Variants in STT3B observed in about 807,000 individuals in gnomAD.
STT3B encodes STT3 oligosaccharyltransferase complex catalytic subunit B.
Under a neutral mutation model 96.8 loss-of-function variants are expected in STT3B, and 29 were observed. The ratio of observed to expected loss-of-function variants is 0.30; its 90% CI spans 0.22 to 0.41. The LOEUF (loss-of-function observed/expected upper bound fraction) is 0.41. Among genes scored for constraint, STT3B ranks in the 10% least tolerant of loss-of-function variants. The pLI is 1.00. For missense variants in STT3B, 640 were observed against 1,022.3 expected, an observed-to-expected ratio of 0.63 and a Z score of 5.10; for synonymous variants, 367 against 360.0, an observed-to-expected ratio of 1.02 and a Z score of -0.22.
chr3:31,581,756 G>A (rs1698408633), intron 3 of STT3B, among the ~76,000 whole-genome samples: 1 of 152,170 alleles, frequency 6.6e-6, no homozygotes, highest in Admixed American at 6.5e-5. Context: ...GGAAAAGATT[G>A]AGGAGGATTA....
In STT3B at chr3:31,577,596, A is replaced by G. The variant is rs374215053; in HGVS notation, c.423+1092A>G. Among the ~76,000 whole-genome samples the G allele has an allele frequency of 1.3e-4, 20 of 152,250 alleles. No individual in the cohort carries two copies. In the East Asian group the frequency reaches 2.5e-3, roughly 19 times the overall value. On this transcript the variant is annotated intron_variant, in intron 2 of 15. Transcript: ENST00000295770. ...AGACTTGACTTGTGGCTTAGGATAT[A>G]TCCAAATTTTTATAAATGTTCCCTT...
intron 5 of STT3B, among the ~76,000 whole-genome samples, chr3:31,614,357 C>A (rs947302920): frequency 1.3e-5 from 2 of 151,884 alleles, no homozygotes; most frequent in Non-Finnish European, 2.9e-5. Flanking sequence ...TAATCAATTG[C>A]GTAACAGTGG....
intron 3 of STT3B, among the ~76,000 whole-genome samples, chr3:31,588,646 A>G (rs970352375): frequency 2.0e-5 from 3 of 152,020 alleles, no homozygotes; most frequent in African/African-American, 4.8e-5. Flanking sequence ...AAAGTGTTGC[A>G]CTTTACATTC....
At chr3:31,613,924 T>G (rs1699243932) in intron 5 of STT3B, among the ~76,000 whole-genome samples, 1 of 151,928 alleles carries the variant, frequency 6.6e-6, no homozygotes, top group South Asian at 2.1e-4. Flanking sequence ...TAGCTTGAGG[T>G]CAGTGGAAAC....
At chr3:31,610,326 TGA>T (rs986149656) in intron 5 of STT3B, among the ~76,000 whole-genome samples, 7 of 152,216 alleles carry the variant, frequency 4.6e-5, no homozygotes, top group Non-Finnish European at 1.0e-4. Context: ...CTATTTTGGT[TGA>T]GAGAGAGCAA....
intron 10 of STT3B, 137 bp downstream of exon 10, chr3:31,622,445 C>T: frequency 1.4e-6 from 1 of 712,044 alleles, no homozygotes; most frequent in South Asian, 1.9e-5. Context: ...TTGGTCTCCA[C>T]TGTTTGCCTC....
chr3:31,623,196 C>T (rs1699466007), intron 10 of STT3B, among the ~76,000 whole-genome samples: 1 of 152,062 alleles, frequency 6.6e-6, no homozygotes, highest in Non-Finnish European at 1.5e-5. Context: ...GTAGTTTTAA[C>T]AAGTCTGTTG....
intron 1 of STT3B, among the ~76,000 whole-genome samples, chr3:31,556,546 C>G (rs1251927553): frequency 6.6e-6 from 1 of 152,148 alleles, no homozygotes; most frequent in Non-Finnish European, 1.5e-5. Context: ...TTTCTCTGCA[C>G]CCTTGTCAGC....
chr3:31,618,861 G>A (rs1699368243), intron 8 of STT3B, among the ~76,000 whole-genome samples: 1 of 151,786 alleles, frequency 6.6e-6, no homozygotes, highest in Non-Finnish European at 1.5e-5. Flanking sequence ...AACTTGTGCA[G>A]TTATATTATA....
intron 14 of STT3B, among the ~76,000 whole-genome samples, chr3:31,630,819 G>T (rs984764666): frequency 2.0e-5 from 3 of 151,228 alleles, no homozygotes; most frequent in Admixed American, 1.3e-4. Context: ...TTTTTTGAGA[G>T]GGAGTCTCGC....
chr3:31,575,603 GATTTCCTGTTC>G (rs1382203313), intron 1 of STT3B, among the ~76,000 whole-genome samples: 1 of 152,014 alleles, frequency 6.6e-6, no homozygotes, highest in Non-Finnish European at 1.5e-5. Flanking sequence ...GGGGTATAAG[GATTTCCTGTTC>G]ATCTTGTATC....
At chr3:31,590,087 G>GT (rs1183889033) in intron 3 of STT3B, among the ~76,000 whole-genome samples, 3 of 151,766 alleles carry the variant, frequency 2.0e-5, no homozygotes, top group African/African-American at 2.4e-5. Flanking sequence ...CTTTTTAAAA[G>GT]TTTTTTTATT....
At chr3:31,543,430 A>C (rs997919907) in intron 1 of STT3B, among the ~76,000 whole-genome samples, 1 of 152,218 alleles carries the variant, frequency 6.6e-6, no homozygotes, top group African/African-American at 2.4e-5. Context: ...ACATTTTTCT[A>C]ATCTTTCTAG....
At chr3:31,615,653 A>T (rs1015458811) in intron 6 of STT3B, among the ~76,000 whole-genome samples, 3 of 151,904 alleles carry the variant, frequency 2.0e-5, no homozygotes, top group African/African-American at 7.2e-5. Flanking sequence ...TGAGACGCAG[A>T]GAGATGTATA....
chr3:31,568,135 T>C (rs1698049966), intron 1 of STT3B, among the ~76,000 whole-genome samples: 1 of 152,166 alleles, frequency 6.6e-6, no homozygotes, highest in Non-Finnish European at 1.5e-5. Flanking sequence ...TGGCTTATTT[T>C]ACTTAACATA....
intron 7 of STT3B, 99 bp from the exon 8 acceptor site, chr3:31,617,841 A>T (rs1221526809): frequency 3.6e-6 from 3 of 827,008 alleles, no homozygotes; most frequent in African/African-American, 3.5e-5. Context: ...TTTGAACATT[A>T]GTTTGTCTAT....
At chr3:31,598,532 C>A (rs1464143306) in intron 4 of STT3B, among the ~76,000 whole-genome samples, 1 of 152,122 alleles carries the variant, frequency 6.6e-6, no homozygotes, top group African/African-American at 2.4e-5. Flanking sequence ...TCATTTCACT[C>A]CTTAAAGTAA....
Position 31,533,080 on chromosome 3 carries a change from A to G in STT3B, c.82A>G (p.Asn28Asp), listed in dbSNP as rs1403658593. 5.2e-6 allele frequency: 8 copies of G among 1,542,214 alleles called. No homozygotes were observed. The highest frequency in any genetic ancestry group is 2.7e-5 in the East Asian group (1 of 36,954). Residue 28 changes from asparagine (N) to aspartate (D), a missense_variant, in exon 1 of 16, where the codon AAC becomes GAC. Physicochemically the swap from Asn to Asp is conservative, Grantham distance 23 (BLOSUM62 1). Around this residue, in one of 8 missense-constraint regions of STT3B, gnomAD observed 89 missense variants for 81.7 expected, o/e 1.09. Coordinates refer to ENST00000295770, the MANE Select transcript of STT3B (RefSeq NM_178862.3). ...SPWSGLMALGNSRHGHHGPGA... is the reference protein window; with the variant it reads ...SPWSGLMALGDSRHGHHGPGA... ...GTGGAGTGGCCTCATGGCCCTGGGA[A>G]ACAGCCGGCACGGCCACCACGGGCC...
At chr3:31,632,224 C>T (rs920015202) in intron 14 of STT3B, among the ~76,000 whole-genome samples, 1 of 152,148 alleles carries the variant, frequency 6.6e-6, no homozygotes, top group African/African-American at 2.4e-5. Flanking sequence ...TAAATCCTTT[C>T]ACGGTTTGGT....
Sources: allele counts gnomAD v4.1 joint callset (sites outside exome capture counted in the v4.1 genomes callset), GRCh38; gene constraint gnomAD v4.1.1; regional missense constraint gnomAD v4.1.1; transcripts MANE v1.5; gene names NCBI Gene and HGNC (gene_info 2026-07-23, HGNC 2026-07-21).